Variants in EIF3H observed in about 807,000 individuals in gnomAD.
The protein encoded by EIF3H is eukaryotic translation initiation factor 3 subunit H.
Under a neutral mutation model 44.2 loss-of-function variants are expected in EIF3H, and 26 were observed. The observed-to-expected ratio is 0.59, with a 90% CI of 0.43 to 0.82. EIF3H has a LOEUF of 0.82. Ranked by LOEUF, EIF3H falls within the 40% of genes least tolerant of loss-of-function variation. The pLI is 0.00. For missense variants in EIF3H, 359 were observed against 432.8 expected (o/e 0.83, Z 1.51); for synonymous variants, 166 against 151.9 (o/e 1.09, Z -0.68).
chr8:116,744,059 T>C (rs13281245), intron 1 of EIF3H, among the ~76,000 whole-genome samples: 151,761 of 151,818 alleles, frequency 1, 75,852 homozygotes, highest in Middle Eastern at 1. Context: ...TAGTTATAAA[T>C]TCAAAGAACT....
At chr8:116,646,870 A>G (rs1430537726) in intron 6 of EIF3H, among the ~76,000 whole-genome samples, 1 of 152,192 alleles carries the variant, frequency 6.6e-6, no homozygotes, top group Non-Finnish European at 1.5e-5. Context: ...TGTAAGTAAC[A>G]GGGGGCTTAA....
At chr8:116,647,180 G>A (rs73322464) in intron 6 of EIF3H, among the ~76,000 whole-genome samples, 37,769 of 151,530 alleles carry the variant, frequency 0.25, 5,695 homozygotes, top group East Asian at 0.43. Flanking sequence ...CCGCCTCTCC[G>A]CCTCCCCGCC....
intron 1 of EIF3H, among the ~76,000 whole-genome samples, chr8:116,743,900 A>T (rs1167987106): frequency 6.6e-6 from 1 of 151,222 alleles, no homozygotes; most frequent in African/African-American, 2.4e-5. Flanking sequence ...GATTTTCCAA[A>T]GGGTTGAGTT....
intron 5 of EIF3H, among the ~76,000 whole-genome samples, chr8:116,649,883 G>C (rs753775615): frequency 1.6e-4 from 25 of 152,194 alleles, no homozygotes; most frequent in Non-Finnish European, 2.9e-4. Context: ...GAAAGTGAAA[G>C]ATGAGTCAGC....
rs139458345 is a variant in EIF3H, at chr8:116,735,759, C to T, written c.133-9587G>A. ...GATGTATCAAGCCCCCACTTTATTA[C>T]GCTCTGCAGGTATGCTTGCAGGAGG... On this transcript the variant is annotated intron_variant, in intron 1 of 7. Transcript: ENST00000521861. Among the ~76,000 whole-genome samples the T allele has an allele frequency of 2.0e-3, 308 of 151,522 alleles. 3 individuals carry two copies. Among genetic ancestry groups the T allele is most frequent in the African/African-American group, 7.2e-3 (296 of 41,272 alleles).
chr8:116,676,662 T>A (rs1369604431), intron 2 of EIF3H, among the ~76,000 whole-genome samples: 1 of 152,180 alleles, frequency 6.6e-6, no homozygotes, highest in South Asian at 2.1e-4. Flanking sequence ...CCTGAATTAG[T>A]ATGACAGTAT....
chr8:116,711,905 C>CA (rs1484685926), intron 2 of EIF3H, among the ~76,000 whole-genome samples: 4 of 152,092 alleles, frequency 2.6e-5, no homozygotes, highest in Admixed American at 6.5e-5. Flanking sequence ...ACAAACATTT[C>CA]AAAAAATATG....
At chr8:116,675,041 A>T (rs1813822828) in intron 2 of EIF3H, among the ~76,000 whole-genome samples, 1 of 152,242 alleles carries the variant, frequency 6.6e-6, no homozygotes, top group Non-Finnish European at 1.5e-5. Flanking sequence ...TTTGGAAATA[A>T]GCCTTTGGAA....
chr8:116,698,931 G>A (rs1161436446), intron 2 of EIF3H, among the ~76,000 whole-genome samples: 1 of 152,062 alleles, frequency 6.6e-6, no homozygotes, highest in African/African-American at 2.4e-5. Context: ...GCAGATCTTT[G>A]AGCTCAGGAG....
intron 6 of EIF3H, among the ~76,000 whole-genome samples, chr8:116,648,427 C>T (rs1813339537): frequency 6.6e-6 from 1 of 152,128 alleles, no homozygotes; most frequent in African/African-American, 2.4e-5. Context: ...ACAATTGCTC[C>T]GTTTTTTAAA....
intron 1 of EIF3H, among the ~76,000 whole-genome samples, chr8:116,732,024 C>T (rs2130938185): frequency 6.6e-6 from 1 of 152,290 alleles, no homozygotes; most frequent in South Asian, 2.1e-4. Flanking sequence ...CTGAAGTTTA[C>T]ACAGTCTCAA....
At chr8:116,656,368 T>A (rs896557404) in intron 4 of EIF3H, among the ~76,000 whole-genome samples, 7 of 152,186 alleles carry the variant, frequency 4.6e-5, no homozygotes, top group African/African-American at 1.4e-4. Context: ...TAGCTAGAAA[T>A]GAGAAATACT....
intron 1 of EIF3H, among the ~76,000 whole-genome samples, chr8:116,761,384 C>T (rs1358206841): frequency 6.6e-6 from 1 of 152,086 alleles, no homozygotes; most frequent in African/African-American, 2.4e-5. Flanking sequence ...TGGTGGTGGG[C>T]ACCTGTAATC....
At chr8:116,652,692 T>C (rs73322481) in intron 5 of EIF3H, among the ~76,000 whole-genome samples, 8,281 of 152,190 alleles carry the variant, frequency 0.054, 759 homozygotes, top group African/African-American at 0.19. Flanking sequence ...ATGTTCACTG[T>C]ATTTTTCTTT....
chr8:116,699,855 G>C (rs1438742152), intron 2 of EIF3H, among the ~76,000 whole-genome samples: 1 of 152,040 alleles, frequency 6.6e-6, no homozygotes, highest in East Asian at 1.9e-4. Flanking sequence ...TTGTTGCCCA[G>C]GCTGAAGTGC....
chr8:116,751,072 C>T (rs971917289), intron 1 of EIF3H, among the ~76,000 whole-genome samples: 2 of 151,544 alleles, frequency 1.3e-5, no homozygotes, highest in Admixed American at 6.6e-5. Context: ...ATTAGCCGGG[C>T]GTAGTGGCAG....
Position 116,754,217 on chromosome 8 carries a change from G to A in EIF3H, c.132+1449C>T, listed in dbSNP as rs191346261. Among the ~76,000 whole-genome samples, 3 of 152,054 alleles carry A rather than the reference G, an allele frequency of 2.0e-5. No individual in the cohort carries two copies. The East Asian group carries it at 5.8e-4, about 29-fold the overall frequency. The stretch of plus-strand genomic sequence containing the variant: ...CAACCTCCGCCTCCCAGGTTCAAGC[G>A]ATTCTCCCGCCTCAGCCTCCTGAGT... On this transcript the variant is annotated intron_variant, in intron 1 of 7. Transcript: ENST00000521861.
chr8:116,730,373 G>A (rs1402131859), intron 1 of EIF3H, among the ~76,000 whole-genome samples: 1 of 152,184 alleles, frequency 6.6e-6, no homozygotes, highest in Admixed American at 6.5e-5. Context: ...TAGGTTGCAT[G>A]CTCCTTTGAA....
intron 2 of EIF3H, among the ~76,000 whole-genome samples, chr8:116,694,665 ATCAT>A (rs1200556937): frequency 6.6e-6 from 1 of 152,200 alleles, no homozygotes; most frequent in Non-Finnish European, 1.5e-5. Context: ...CTGCGGTGAA[ATCAT>A]TCATGTTTTC....
Sources: gnomAD v4.1 joint callset for allele counts (sites outside exome capture counted in the v4.1 genomes callset) on GRCh38, gnomAD v4.1.1 for gene constraint, MANE v1.5 for transcripts, NCBI Gene and HGNC (gene_info 2026-07-23, HGNC 2026-07-21) for gene names.